ILRUN: variants seen among roughly 807,000 people sequenced by gnomAD.
ILRUN encodes inflammation and lipid regulator with UBA-like and NBR1-like domains.
A neutral mutation model predicts 33.8 loss-of-function variants in ILRUN; 3 were observed. That is an observed-to-expected ratio of 0.09 (90% CI 0.04 to 0.23). ILRUN has a LOEUF of 0.23. ILRUN is among the 10% of genes least tolerant of loss of function. The pLI is 1.00. For synonymous variants in ILRUN, 124 were observed against 138.9 expected, an observed-to-expected ratio of 0.89 and a Z score of 0.75; for missense variants, 210 against 375.1, an observed-to-expected ratio of 0.56 and a Z score of 3.64.
chr6:34,622,646 G>A (rs1762034294), intron 3 of ILRUN, among the ~76,000 whole-genome samples: 1 of 152,140 alleles, frequency 6.6e-6, no homozygotes, highest in Non-Finnish European at 1.5e-5. Context: ...ACGCTTGTGT[G>A]CTGTTAGGAA....
chr6:34,596,667 G>A (rs1344246517), intron 4 of ILRUN, among the ~76,000 whole-genome samples: 2 of 152,208 alleles, frequency 1.3e-5, no homozygotes, highest in East Asian at 3.9e-4. Flanking sequence ...TGTATTTGAT[G>A]CACTGGCTGA....
At chr6:34,616,729 A>G in intron 3 of ILRUN, 1 of 749,010 alleles carries the variant, frequency 1.3e-6, no homozygotes, top group East Asian at 2.5e-5. Context: ...TTCAAATGGC[A>G]AGGATGGCAA....
intron 3 of ILRUN, chr6:34,616,708 C>T (rs1761899694): frequency 1.2e-6 from 1 of 825,978 alleles, no homozygotes; most frequent in Admixed American, 1.9e-5. Flanking sequence ...AGCAGATGCA[C>T]AGAACTGAAA....
At chr6:34,668,842 T>A (rs986356273) in intron 1 of ILRUN, among the ~76,000 whole-genome samples, 1 of 81,704 alleles carries the variant, frequency 1.2e-5, no homozygotes, top group Admixed American at 1.1e-4. Context: ...GCCTGGCTAA[T>A]TTTTTTTTTT....
chr6:34,660,372 A>G (rs1762864635), intron 1 of ILRUN, among the ~76,000 whole-genome samples: 1 of 152,090 alleles, frequency 6.6e-6, no homozygotes, highest in Non-Finnish European at 1.5e-5. Flanking sequence ...AGGAAAAAAA[A>G]AAAACTAGAT....
intron 3 of ILRUN, chr6:34,617,040 C>T (rs1761906408): frequency 1.9e-6 from 1 of 530,374 alleles, no homozygotes; most frequent in African/African-American, 1.9e-5. Context: ...ACTTTGATTG[C>T]TCGACCTCTT....
At chr6:34,614,480 T>C (rs1393590614) in intron 3 of ILRUN, among the ~76,000 whole-genome samples, 8 of 141,890 alleles carry the variant, frequency 5.6e-5, no homozygotes, top group African/African-American at 1.6e-4. Flanking sequence ...ATATTTTTTA[T>C]ATATTATTAT....
chr6:34,688,060 A>C (rs1763563190), intron 1 of ILRUN, among the ~76,000 whole-genome samples: 1 of 152,026 alleles, frequency 6.6e-6, no homozygotes, highest in Admixed American at 6.6e-5. Flanking sequence ...GATGAAACAA[A>C]TTGTGATATG....
intron 3 of ILRUN, among the ~76,000 whole-genome samples, chr6:34,609,584 G>C (rs536593976): frequency 6.6e-6 from 1 of 152,026 alleles, no homozygotes; most frequent in Non-Finnish European, 1.5e-5. Context: ...TATCCAAACA[G>C]CCAGCCTGGA....
At chr6:34,693,980 G>A (rs1018451082) in intron 1 of ILRUN, among the ~76,000 whole-genome samples, 2 of 151,792 alleles carry the variant, frequency 1.3e-5, no homozygotes, top group South Asian at 4.2e-4. Flanking sequence ...CATTAAGCCC[G>A]ACTCATTTCG....
chr6:34,592,206 A>C lies in ILRUN; in HGVS notation c.862-1606T>G. Among the ~76,000 whole-genome samples, 1 of 152,262 alleles carries C rather than the reference A, an allele frequency of 6.6e-6. No homozygotes were observed. Among genetic ancestry groups the C allele is most frequent in the Non-Finnish European group, 1.5e-5 (1 of 68,046 alleles). On this transcript the variant is annotated intron_variant, in intron 4 of 4. Coordinates refer to ENST00000374023, the MANE Select transcript of ILRUN (RefSeq NM_024294.4). The surrounding 1 kb of genome is among the most constrained non-coding windows in gnomAD (Gnocchi z 4.0). ...TTTGGGGAATGGACAGGCCAATACC[A>C]ATGGGGCATCCACTACGTGCCAGGT...
At chr6:34,593,180 T>C (rs897830188) in intron 4 of ILRUN, among the ~76,000 whole-genome samples, 9 of 151,980 alleles carry the variant, frequency 5.9e-5, no homozygotes, top group African/African-American at 2.2e-4. Flanking sequence ...CCTTCTCTCT[T>C]AAAACAAAGT....
At chr6:34,671,026 T>A (rs543803329) in intron 1 of ILRUN, among the ~76,000 whole-genome samples, 2 of 152,232 alleles carry the variant, frequency 1.3e-5, no homozygotes, top group Admixed American at 6.5e-5. Context: ...ATCCAAGGAT[T>A]TGATTAACTA....
chr6:34,666,990 A>G (rs918821570), intron 1 of ILRUN, among the ~76,000 whole-genome samples: 3 of 152,224 alleles, frequency 2.0e-5, no homozygotes, highest in African/African-American at 7.2e-5. Context: ...CACCAGTAAA[A>G]TTAGTGGCCC....
At chr6:34,679,855 G>A (rs1562030653) in intron 1 of ILRUN, among the ~76,000 whole-genome samples, 1 of 152,216 alleles carries the variant, frequency 6.6e-6, no homozygotes, top group Non-Finnish European at 1.5e-5. Flanking sequence ...GCAGACACTA[G>A]AGTGATACAG....
chr6:34,606,164 T>C (rs773510548), intron 4 of ILRUN, among the ~76,000 whole-genome samples: 12 of 152,134 alleles, frequency 7.9e-5, no homozygotes, highest in South Asian at 4.1e-4. Context: ...CGATGGGCCA[T>C]AAGGACTGAA....
At position 34,696,517 on chromosome 6, in the gene ILRUN, G is replaced by C. The variant is rs776560684; in HGVS notation, c.87C>G (p.Ser29=). ...GGAAGCCGAGCAGCCTCTGGAACTC[G>C]GAGATGAGCACGTCCTTGTCGGTGG... is the stretch of plus-strand genomic sequence containing the variant. ...LGTTDKDVLI[S]EFQRLLGFQL... The change falls in exon 1 of 5, where the codon TCC becomes TCG. Residue 29 remains serine, a synonymous_variant. Transcript: ENST00000374023. 2.3e-5 allele frequency: 37 copies of C among 1,613,114 alleles called. No individual in the cohort carries two copies. The highest frequency in any genetic ancestry group is 3.1e-5 in the Non-Finnish European group (36 of 1,179,764).
At chr6:34,691,554 G>A (rs1230587903) in intron 1 of ILRUN, among the ~76,000 whole-genome samples, 1 of 152,174 alleles carries the variant, frequency 6.6e-6, no homozygotes, top group Non-Finnish European at 1.5e-5. Flanking sequence ...CAGCACTTTG[G>A]GAGGCCAAGG....
chr6:34,654,737 G>C lies in ILRUN; in HGVS notation c.201C>G (p.Ser67Arg). The change falls in exon 2 of 5, where the codon AGC becomes AGG. Residue 67 changes from serine (S) to arginine (R), a missense_variant. Physicochemically the swap from Ser to Arg is moderately radical, Grantham distance 110. This residue lies in a region of ILRUN where 61 missense variants were observed against 94.4 expected (regional missense o/e 0.65). Coordinates refer to ENST00000374023, the MANE Select transcript of ILRUN (RefSeq NM_024294.4). Reference sequence around the variant, plus strand: ...ACATAGAGGGCACACTGATGTTTGGGCTCTCAAAGTCATAATAGGCGCCAA... The same window carrying C: ...ACATAGAGGGCACACTGATGTTTGGCCTCTCAAAGTCATAATAGGCGCCAA... The part of the protein sequence containing the change: ...AAIGAYYDFE[S>R]PNISVPSMSF... 1 of 1,613,822 alleles carries C rather than the reference G, an allele frequency of 6.2e-7. No individual in the cohort carries two copies. The highest frequency in any genetic ancestry group is 8.5e-7 in the Non-Finnish European group (1 of 1,179,890).
Sources: allele counts gnomAD v4.1 joint callset (sites outside exome capture counted in the v4.1 genomes callset), GRCh38; gene constraint gnomAD v4.1.1; regional missense constraint gnomAD v4.1.1; non-coding constraint Gnocchi (gnomAD v3.1); transcripts MANE v1.5; gene names NCBI Gene and HGNC (gene_info 2026-07-23, HGNC 2026-07-21).